The following PPP2R5E variants were observed in gnomAD, a reference collection of about 807,000 sequenced individuals.
PPP2R5E encodes protein phosphatase 2 regulatory subunit B'epsilon.
In PPP2R5E, 4 loss-of-function variants were observed where a neutral mutation model predicts 65.3. That is an observed-to-expected ratio of 0.06 (90% CI 0.03 to 0.14). The LOEUF (loss-of-function observed/expected upper bound fraction) is 0.14, where lower values mean the gene tolerates loss of function less well. Among genes scored for constraint, PPP2R5E ranks in the 10% least tolerant of loss-of-function variants. PPP2R5E has a pLI of 1.00. For missense variants in PPP2R5E, 274 were observed against 556.1 expected, an observed-to-expected ratio of 0.49 and a Z score of 5.10; for synonymous variants, 183 against 187.4, an observed-to-expected ratio of 0.98 and a Z score of 0.19.
intron 3 of PPP2R5E, among the ~76,000 whole-genome samples, chr14:63,430,738 G>A (rs1000814745): frequency 1.3e-5 from 2 of 152,100 alleles, no homozygotes; most frequent in African/African-American, 4.8e-5. Context: ...GAAACAAATG[G>A]CAAAATCTGT....
chr14:63,438,408 A>G (rs1171828354), intron 3 of PPP2R5E, among the ~76,000 whole-genome samples: 1 of 152,210 alleles, frequency 6.6e-6, no homozygotes, highest in Non-Finnish European at 1.5e-5. Context: ...TTTGTCATCC[A>G]TGTGCTTAAT....
At chr14:63,428,395 C>T (rs1461391269) in intron 3 of PPP2R5E, among the ~76,000 whole-genome samples, 2 of 152,160 alleles carry the variant, frequency 1.3e-5, no homozygotes, top group East Asian at 1.9e-4. Flanking sequence ...AGTATAAGTT[C>T]GTCCCATGCA....
At chr14:63,458,920 T>C (rs1303464186) in intron 2 of PPP2R5E, among the ~76,000 whole-genome samples, 2 of 152,144 alleles carry the variant, frequency 1.3e-5, no homozygotes, top group Admixed American at 6.6e-5. Flanking sequence ...TACTTCTATT[T>C]CTCCAACTTT....
At chr14:63,381,104 A>G (rs1884328407) in intron 13 of PPP2R5E, among the ~76,000 whole-genome samples, 1 of 152,222 alleles carries the variant, frequency 6.6e-6, no homozygotes, top group African/African-American at 2.4e-5. Context: ...AGAGCTCTCT[A>G]GACTTCTATA....
At chr14:63,379,222 G>A (rs1278114841) in intron 13 of PPP2R5E, among the ~76,000 whole-genome samples, 1 of 151,892 alleles carries the variant, frequency 6.6e-6, no homozygotes, top group East Asian at 1.9e-4. Context: ...TAGAGACGGG[G>A]TTTCACCATG....
chr14:63,535,507 G>A (rs1893633664), intron 2 of PPP2R5E, among the ~76,000 whole-genome samples: 2 of 151,814 alleles, frequency 1.3e-5, no homozygotes, highest in Non-Finnish European at 2.9e-5. Context: ...AAAACGCTAA[G>A]AATTAATGCA....
chr14:63,523,105 C>T (rs1235158909), intron 2 of PPP2R5E, among the ~76,000 whole-genome samples: 3 of 149,834 alleles, frequency 2.0e-5, no homozygotes, highest in Admixed American at 2.0e-4. Flanking sequence ...GCCCCCCGCC[C>T]GGCCAGCAGC....
intron 2 of PPP2R5E, among the ~76,000 whole-genome samples, chr14:63,529,796 T>C (rs968967397): frequency 3.9e-5 from 6 of 152,218 alleles, no homozygotes; most frequent in Admixed American, 3.3e-4. Context: ...CTTCATCTTA[T>C]GAGAACATTC....
At chr14:63,466,562 CTACT>C in intron 2 of PPP2R5E, among the ~76,000 whole-genome samples, 1 of 152,342 alleles carries the variant, frequency 6.6e-6, no homozygotes, top group South Asian at 2.1e-4. Flanking sequence ...ACAAAAGATA[CTACT>C]TAATTAATAT....
intron 8 of PPP2R5E, among the ~76,000 whole-genome samples, chr14:63,392,846 G>T (rs1187942504): frequency 1.3e-5 from 2 of 152,212 alleles, no homozygotes; most frequent in African/African-American, 4.8e-5. Flanking sequence ...GGGAGTCAGA[G>T]TCTGGCAGTA....
intron 5 of PPP2R5E, among the ~76,000 whole-genome samples, chr14:63,399,021 T>C (rs1387960804): frequency 6.6e-6 from 1 of 152,222 alleles, no homozygotes; most frequent in African/African-American, 2.4e-5. Flanking sequence ...TTCATGTATA[T>C]ATCCAGCAGA....
chr14:63,414,914 G>C (rs548614795), intron 5 of PPP2R5E, among the ~76,000 whole-genome samples: 12 of 152,134 alleles, frequency 7.9e-5, no homozygotes, highest in African/African-American at 2.6e-4. Flanking sequence ...TTAGGCATTA[G>C]CATTCCTGGC....
At chr14:63,484,598 T>C (rs186045652) in intron 2 of PPP2R5E, among the ~76,000 whole-genome samples, 1 of 152,272 alleles carries the variant, frequency 6.6e-6, no homozygotes, top group African/African-American at 2.4e-5. Flanking sequence ...CAGATAACTT[T>C]TGGAACCACA....
chr14:63,456,199 T>C (rs1889120878), intron 2 of PPP2R5E, among the ~76,000 whole-genome samples: 1 of 152,262 alleles, frequency 6.6e-6, no homozygotes, highest in Admixed American at 6.5e-5. Context: ...CTCCTTAACA[T>C]AGCATATATA....
chr14:63,415,033 T>C, intron 5 of PPP2R5E, 107 bp downstream of exon 5: 1 of 615,580 alleles, frequency 1.6e-6, no homozygotes, highest in Non-Finnish European at 2.8e-6. Context: ...ATATATTTTG[T>C]GGGTGATATA....
intron 2 of PPP2R5E, among the ~76,000 whole-genome samples, chr14:63,498,050 T>C (rs946391492): frequency 6.6e-6 from 1 of 152,238 alleles, no homozygotes; most frequent in Admixed American, 6.5e-5. Context: ...TATGTCTTAT[T>C]TTGAGCATGA....
At chr14:63,414,025 C>T (rs969600846) in intron 5 of PPP2R5E, among the ~76,000 whole-genome samples, 5 of 152,120 alleles carry the variant, frequency 3.3e-5, no homozygotes, top group African/African-American at 1.2e-4. Context: ...GGTTTAATTC[C>T]ACTTAGCCTT....
intron 4 of PPP2R5E, among the ~76,000 whole-genome samples, chr14:63,421,461 G>A (rs1023983322): frequency 6.6e-6 from 1 of 152,194 alleles, no homozygotes; most frequent in Non-Finnish European, 1.5e-5. Context: ...CCTTCTCAGT[G>A]CAAGAGAACA....
chr14:63,430,276 G>A (rs936537655), intron 3 of PPP2R5E, among the ~76,000 whole-genome samples: 1 of 152,086 alleles, frequency 6.6e-6, no homozygotes, highest in African/African-American at 2.4e-5. Flanking sequence ...CACTTTGGGA[G>A]GCCGAGGCGG....
Sources: gnomAD v4.1 joint callset for allele counts (sites outside exome capture counted in the v4.1 genomes callset) on GRCh38, gnomAD v4.1.1 for gene constraint, MANE v1.5 for transcripts, NCBI Gene and HGNC (gene_info 2026-07-23, HGNC 2026-07-21) for gene names.